Variants in SYT2 observed in about 807,000 individuals in gnomAD.
The protein encoded by SYT2 is synaptotagmin 2.
In SYT2, 15 loss-of-function variants were observed where a neutral mutation model predicts 39.9. The ratio of observed to expected loss-of-function variants is 0.38; its 90% confidence interval spans 0.25 to 0.58. The LOEUF (loss-of-function observed/expected upper bound fraction) is 0.58. Among genes scored for constraint, SYT2 ranks in the 20% least tolerant of loss-of-function variants. The probability of loss-of-function intolerance (pLI) is 0.70; values close to 1 mark genes in which losing one functional copy is unlikely to be tolerated. For synonymous variants in SYT2, 181 were observed against 204.5 expected (o/e 0.89, Z 0.98); for missense variants, 389 against 530.3 (o/e 0.73, Z 2.62).
chr1:202,668,216 T>G (rs1414176666), intron 1 of SYT2, among the ~76,000 whole-genome samples: 1 of 152,180 alleles, frequency 6.6e-6, no homozygotes, highest in Non-Finnish European at 1.5e-5. Context: ...GGCTCACACA[T>G]CTCTCGTGCG....
At chr1:202,660,650 T>TA (rs1462793608) in intron 1 of SYT2, among the ~76,000 whole-genome samples, 8 of 152,204 alleles carry the variant, frequency 5.3e-5, no homozygotes, top group African/African-American at 1.9e-4. Flanking sequence ...ATTTTTAATT[T>TA]AAAAAATATT....
chr1:202,708,607 A>G (rs1654310105), intron 1 of SYT2, among the ~76,000 whole-genome samples: 1 of 151,896 alleles, frequency 6.6e-6, no homozygotes, highest in Non-Finnish European at 1.5e-5. Context: ...GATGGGTTGG[A>G]GTTGGACTCC....
chr1:202,600,587 C>T lies in SYT2; in HGVS notation c.802-113G>A, dbSNP rs1035406478. ...GGCAGTGATGTGTCCCTGCCTCCCT[C>T]ATCACCAGTCCCCATATATGTGATG... On this transcript the variant is annotated intron_variant, in intron 6 of 8. Coordinates refer to ENST00000367268, the MANE Select transcript of SYT2 (RefSeq NM_177402.5). The T allele has an allele frequency of 8.1e-6, 7 of 866,550 alleles. No individual in the cohort carries two copies. The African/African-American group carries it at 8.3e-5, about 10-fold the overall frequency. 53.7% of individuals were successfully genotyped at this position (866,550 alleles called of 1,614,324 possible).
intron 1 of SYT2, among the ~76,000 whole-genome samples, chr1:202,617,213 T>C (rs1279210896): frequency 1.3e-5 from 2 of 152,236 alleles, no homozygotes; most frequent in African/African-American, 4.8e-5. Context: ...CCAAAGCCTA[T>C]GATACAGTTT....
chr1:202,633,170 A>G (rs1691642872), intron 1 of SYT2, among the ~76,000 whole-genome samples: 1 of 152,152 alleles, frequency 6.6e-6, no homozygotes, highest in South Asian at 2.1e-4. Context: ...ATCATGACCT[A>G]GGGGAAGCCA....
chr1:202,631,018 C>T (rs1691572375), intron 1 of SYT2, among the ~76,000 whole-genome samples: 2 of 152,200 alleles, frequency 1.3e-5, no homozygotes, highest in Non-Finnish European at 2.9e-5. Context: ...CAGGGCCCAG[C>T]CCTGCACCAT....
At position 202,596,971 on chromosome 1, in the gene SYT2, G is replaced by A. The variant is rs1240990672; in HGVS notation, c.1054-8C>T. ...GACCACTACCTGGACTTTCTGCAAG[G>A]AAAACGAGGGAGGGAGTTGGCAGAC... On this transcript the variant is annotated splice_polypyrimidine_tract_variant and splice_region_variant and intron_variant, in intron 8 of 8. Coordinates refer to ENST00000367268, the MANE Select transcript of SYT2 (RefSeq NM_177402.5). The A allele has an allele frequency of 6.2e-7, 1 of 1,610,990 alleles. No individual in the cohort carries two copies. The highest frequency in any genetic ancestry group is 8.5e-7 in the Non-Finnish European group (1 of 1,177,660).
chr1:202,642,805 C>A (rs1428301636), intron 1 of SYT2, among the ~76,000 whole-genome samples: 38 of 152,344 alleles, frequency 2.5e-4, no homozygotes, highest in African/African-American at 9.1e-4. Context: ...GGGTCCCATG[C>A]GCCCCGCACC....
intron 1 of SYT2, among the ~76,000 whole-genome samples, chr1:202,669,632 G>T (rs1027120989): frequency 6.6e-6 from 1 of 151,656 alleles, no homozygotes; most frequent in African/African-American, 2.4e-5. Context: ...AGTGGTGGAC[G>T]CCTGTGGTCT....
At chr1:202,622,188 A>G (rs993989965) in intron 1 of SYT2, among the ~76,000 whole-genome samples, 7 of 152,238 alleles carry the variant, frequency 4.6e-5, no homozygotes, top group African/African-American at 9.6e-5. Context: ...AGAAAGATCA[A>G]TACTTAAGGA....
chr1:202,612,781 T>A (rs1347369292), intron 1 of SYT2, among the ~76,000 whole-genome samples: 1 of 152,224 alleles, frequency 6.6e-6, no homozygotes, highest in African/African-American at 2.4e-5. Flanking sequence ...ATAGGCATTG[T>A]GTTGAATCTG....
At chr1:202,699,303 C>A (rs975609499) in intron 1 of SYT2, among the ~76,000 whole-genome samples, 1 of 152,026 alleles carries the variant, frequency 6.6e-6, no homozygotes, top group East Asian at 1.9e-4. Flanking sequence ...ATTACAGGTG[C>A]GAGCCACTGC....
chr1:202,617,961 G>A (rs887199057), intron 1 of SYT2, among the ~76,000 whole-genome samples: 22 of 152,104 alleles, frequency 1.4e-4, no homozygotes, highest in Admixed American at 4.6e-4. Flanking sequence ...GGAGTGCAGT[G>A]GCACGATCTT....
chr1:202,614,027 T>C lies in SYT2; in HGVS notation c.-17-8238A>G, dbSNP rs1690960528. Among the ~76,000 whole-genome samples, 1 of 152,214 alleles carries C rather than the reference T, an allele frequency of 6.6e-6. No homozygotes were observed. The highest frequency in any genetic ancestry group is 2.1e-4 in the South Asian group (1 of 4,832). The stretch of plus-strand genomic sequence containing the variant: ...TGGATGTGAATCTGAGAAGTGTTCA[T>C]TGAACCTTATCTGAGGCACCTGGAA... On this transcript the variant is annotated intron_variant, in intron 1 of 8. Coordinates refer to ENST00000367268, the MANE Select transcript of SYT2 (RefSeq NM_177402.5). This position sits in a 1 kb window ranked among gnomAD's most constrained non-coding sequence, Gnocchi z 4.0.
At chr1:202,619,357 C>T (rs947663189) in intron 1 of SYT2, among the ~76,000 whole-genome samples, 1 of 152,048 alleles carries the variant, frequency 6.6e-6, no homozygotes, top group Non-Finnish European at 1.5e-5. Context: ...CTGCAGCTGC[C>T]CGGAGAGGGA....
chr1:202,606,632 T>G (rs1309765597), intron 1 of SYT2, among the ~76,000 whole-genome samples: 4 of 152,164 alleles, frequency 2.6e-5, no homozygotes, highest in Non-Finnish European at 5.9e-5. Context: ...TCTCTAGCCC[T>G]TCCTCCCCGG....
intron 1 of SYT2, among the ~76,000 whole-genome samples, chr1:202,675,356 TTATA>T (rs1040394519): frequency 1.3e-5 from 2 of 148,668 alleles, no homozygotes; most frequent in South Asian, 4.2e-4. Flanking sequence ...CACTAAATAA[TTATA>T]TATATAATTA....
chr1:202,694,735 CCTCTT>C (rs887785851), intron 1 of SYT2, among the ~76,000 whole-genome samples: 5 of 151,900 alleles, frequency 3.3e-5, no homozygotes, highest in Non-Finnish European at 5.9e-5. Flanking sequence ...TCTCTTTGTT[CCTCTT>C]TTTCCTCTTC....
At chr1:202,631,169 G>A (rs558754198) in intron 1 of SYT2, among the ~76,000 whole-genome samples, 2 of 152,178 alleles carry the variant, frequency 1.3e-5, no homozygotes, top group Non-Finnish European at 1.5e-5. Context: ...CCTGAGCCTC[G>A]GAGAGGCTTA....
Sources: gnomAD v4.1 joint callset for allele counts (sites outside exome capture counted in the v4.1 genomes callset) on GRCh38, gnomAD v4.1.1 for gene constraint, Gnocchi (gnomAD v3.1) non-coding constraint, MANE v1.5 for transcripts, NCBI Gene and HGNC (gene_info 2026-07-23, HGNC 2026-07-21) for gene names.